STXBP3: variants seen among roughly 807,000 people sequenced by gnomAD.
The protein encoded by STXBP3 is syntaxin binding protein 3.
STXBP3 carries 41 observed loss-of-function variants against 85.7 expected under a neutral mutation model. That is an observed-to-expected ratio of 0.48 (90% CI 0.37 to 0.62). STXBP3 has a LOEUF of 0.62. STXBP3 is among the 20% of genes least tolerant of loss of function. The pLI is 0.00. For missense variants in STXBP3, 563 were observed against 703.1 expected (o/e 0.80, Z 2.25); for synonymous variants, 229 against 231.7 (o/e 0.99, Z 0.10).
At chr1:108,771,445 T>G (rs1158565630) in intron 6 of STXBP3, among the ~76,000 whole-genome samples, 6 of 104,966 alleles carry the variant, frequency 5.7e-5, no homozygotes, top group African/African-American at 2.1e-4. Context: ...TATATATCTA[T>G]ATATATCATA....
At chr1:108,789,840 C>T (rs895400010) in intron 11 of STXBP3, among the ~76,000 whole-genome samples, 2 of 152,014 alleles carry the variant, frequency 1.3e-5, no homozygotes, top group Admixed American at 6.6e-5. Context: ...CCAAGGCAGG[C>T]GAATCACATG....
Position 108,752,318 on chromosome 1 carries a change from A to G in STXBP3, c.99+12A>G, listed in dbSNP as rs201205788. 1.0e-4 allele frequency: 164 copies of G among 1,610,462 alleles called. 1 individual carries two copies. In the East Asian group the frequency reaches 3.6e-3, roughly 35 times the overall value. On this transcript the variant is annotated intron_variant, in intron 2 of 18. Coordinates refer to ENST00000370008, the MANE Select transcript of STXBP3 (RefSeq NM_007269.4). ...AAGGCGAATGGAAGGTAGAGTTTGC[A>G]TACCTTGCTCTTATAAAAAATAATA...
chr1:108,798,326 G>A (rs1362625336), intron 16 of STXBP3, 89 bp downstream of exon 16: 26 of 910,390 alleles, frequency 2.9e-5, no homozygotes, highest in Non-Finnish European at 4.0e-5. Flanking sequence ...CTGAGTATAT[G>A]TATTGGGCAG....
intron 7 of STXBP3, among the ~76,000 whole-genome samples, chr1:108,773,725 A>T (rs1240609936): frequency 1.3e-5 from 2 of 152,246 alleles, no homozygotes; most frequent in East Asian, 3.9e-4. Context: ...TTAACCAAAC[A>T]TGCTGCACAT....
chr1:108,765,591 T>TTC (rs796642937), intron 6 of STXBP3, among the ~76,000 whole-genome samples: 2 of 122,654 alleles, frequency 1.6e-5, no homozygotes, highest in Admixed American at 1.7e-4. Context: ...TTTTTTTTTT[T>TTC]TGAGACGGAG....
intron 17 of STXBP3, among the ~76,000 whole-genome samples, chr1:108,803,833 G>C (rs1348815242): frequency 6.6e-6 from 1 of 152,180 alleles, no homozygotes; most frequent in African/African-American, 2.4e-5. Context: ...TTTGGTCGTT[G>C]TTCTTAGCCA....
chr1:108,778,994 G>A (rs1012518047), intron 8 of STXBP3, among the ~76,000 whole-genome samples: 11 of 152,168 alleles, frequency 7.2e-5, no homozygotes, highest in Admixed American at 6.5e-4. Flanking sequence ...GTGCATCCAT[G>A]CAGTTCAAAC....
At chr1:108,771,488 C>CTATATATATATA (rs1662409257) in intron 6 of STXBP3, among the ~76,000 whole-genome samples, 1 of 14,894 alleles carries the variant, frequency 6.7e-5, no homozygotes, top group Non-Finnish European at 1.6e-4. Context: ...CTATATATAT[C>CTATATATATATA]ATATATAAAT....
intron 6 of STXBP3, among the ~76,000 whole-genome samples, chr1:108,761,776 G>A (rs991024014): frequency 6.6e-6 from 1 of 152,068 alleles, no homozygotes; most frequent in Non-Finnish European, 1.5e-5. Context: ...TTCAAGACCA[G>A]CCTGGCCAAC....
At chr1:108,768,909 T>A (rs1248457589) in intron 6 of STXBP3, among the ~76,000 whole-genome samples, 2 of 152,104 alleles carry the variant, frequency 1.3e-5, no homozygotes, top group African/African-American at 4.8e-5. Context: ...TTAAGGTAAG[T>A]GATGCTGTCA....
chr1:108,808,647 A>T (rs901841834), intron 18 of STXBP3, 136 bp from the exon 19 acceptor site: 48 of 718,268 alleles, frequency 6.7e-5, no homozygotes, highest in Non-Finnish European at 9.8e-5. Flanking sequence ...AGATTTCAGG[A>T]AGATGTCTTA....
intron 6 of STXBP3, among the ~76,000 whole-genome samples, chr1:108,763,818 G>A (rs1662200840): frequency 6.6e-6 from 1 of 151,936 alleles, no homozygotes; most frequent in Admixed American, 6.6e-5. Flanking sequence ...CCGACCTCAA[G>A]TGATCTGCCC....
chr1:108,753,277 A>G, intron 3 of STXBP3, 133 bp downstream of exon 3: 1 of 540,776 alleles, frequency 1.8e-6, no homozygotes, highest in South Asian at 4.8e-5. Flanking sequence ...TATTAGATTT[A>G]ACATTCTTTT....
chr1:108,795,510 A>T (rs1663070752), intron 13 of STXBP3, among the ~76,000 whole-genome samples: 1 of 152,072 alleles, frequency 6.6e-6, no homozygotes. Flanking sequence ...AAAAGAAAAA[A>T]AAAACTTTGA....
At position 108,765,178 on chromosome 1, in the gene STXBP3, T is replaced by C. The variant is rs77835153; in HGVS notation, c.438+5093T>C. Reference sequence around the variant, plus strand: ...CTTGTCAGCTTTGTCGAATATCAGATGGTTGTAGGTATGCGGCCTTATATA... The same window carrying C: ...CTTGTCAGCTTTGTCGAATATCAGACGGTTGTAGGTATGCGGCCTTATATA... On this transcript the variant is annotated intron_variant, in intron 6 of 18. Transcript: ENST00000370008. Among the ~76,000 whole-genome samples the C allele has an allele frequency of 2.2e-3, 339 of 152,334 alleles. 4 individuals are homozygous for C. Among genetic ancestry groups the C allele is most frequent in the African/African-American group, 7.7e-3 (319 of 41,570 alleles).
At chr1:108,795,777 T>C (rs940657321) in intron 13 of STXBP3, among the ~76,000 whole-genome samples, 1 of 152,252 alleles carries the variant, frequency 6.6e-6, no homozygotes, top group Non-Finnish European at 1.5e-5. Flanking sequence ...GTATAAACAA[T>C]AGTTTACAAG....
chr1:108,778,249 ATC>A (rs1662630329), intron 8 of STXBP3, among the ~76,000 whole-genome samples: 1 of 152,204 alleles, frequency 6.6e-6, no homozygotes, highest in Non-Finnish European at 1.5e-5. Context: ...ATCTGTAGTT[ATC>A]TGTTATTGCT....
In STXBP3 at chr1:108,809,180, T is replaced by G; in HGVS notation, c.*303T>G. 1 of 206,384 alleles carries G rather than the reference T, an allele frequency of 4.8e-6. No homozygotes were observed. Among genetic ancestry groups the G allele is most frequent in the Non-Finnish European group, 9.6e-6 (1 of 104,668 alleles). The allele number at this position is 206,384 out of a possible 1,614,324, so 12.8% of individuals were successfully genotyped here. On this transcript the variant is annotated 3_prime_UTR_variant, in exon 19 of 19. Transcript: ENST00000370008. ...AATTTTTCACAGCCACCTATGTACA[T>G]ACTAATTACCCATTGGATACTTATA... is the stretch of plus-strand genomic sequence containing the variant.
intron 7 of STXBP3, among the ~76,000 whole-genome samples, chr1:108,773,120 G>A (rs1662505192): frequency 6.6e-6 from 1 of 152,062 alleles, no homozygotes; most frequent in Admixed American, 6.6e-5. Context: ...TACAGTTAAT[G>A]TTTTTCATTA....
Sources: gnomAD v4.1 joint callset for allele counts (sites outside exome capture counted in the v4.1 genomes callset) on GRCh38, gnomAD v4.1.1 for gene constraint, MANE v1.5 for transcripts, NCBI Gene and HGNC (gene_info 2026-07-23, HGNC 2026-07-21) for gene names.